Variants in DCUN1D4 observed in about 807,000 individuals in gnomAD.
The protein encoded by DCUN1D4 is DCN1-like protein 4.
In DCUN1D4, 22 loss-of-function variants were observed where a neutral mutation model predicts 47.9. The observed-to-expected ratio is 0.46, with a 90% confidence interval of 0.33 to 0.66. The LOEUF (loss-of-function observed/expected upper bound fraction) is 0.66, where lower values mean the gene tolerates loss of function less well. DCUN1D4 is among the 30% of genes least tolerant of loss of function. DCUN1D4 has a pLI of 0.02. For missense variants in DCUN1D4, 301 were observed against 340.8 expected, an observed-to-expected ratio of 0.88 and a Z score of 0.92; for synonymous variants, 121 against 112.2, an observed-to-expected ratio of 1.08 and a Z score of -0.50.
rs142096088 is a variant in DCUN1D4 at position 51,845,383 on chromosome 4, A to G, written c.25+2116A>G. The G allele has an allele frequency of 8.8e-3, 5,504 of 627,780 alleles. 35 individuals are homozygous for G. The highest frequency in any genetic ancestry group is 9.9e-3 in the Non-Finnish European group (4,963 of 503,656). The allele number at this position is 627,780 out of a possible 1,614,324, so 38.9% of individuals were successfully genotyped here. On this transcript the variant is annotated intron_variant, in intron 1 of 10. Coordinates refer to ENST00000334635, the MANE Select transcript of DCUN1D4 (RefSeq NM_001040402.3). The stretch of plus-strand genomic sequence containing the variant: ...GGAAATGTGAAGGTGAGCAAAGGTA[A>G]TATGTGACGTCTTCAATTTTCGAAG...
At chr4:51,848,056 C>A in intron 1 of DCUN1D4, 1 of 501,744 alleles carries the variant, frequency 2.0e-6, no homozygotes, top group Non-Finnish European at 3.2e-6. Flanking sequence ...TGTGCATTAT[C>A]TAGAAAAATT....
At chr4:51,884,307 C>G (rs1729128358) in intron 5 of DCUN1D4, 1 of 152,140 alleles carries the variant, frequency 6.6e-6, no homozygotes, top group South Asian at 2.1e-4. Flanking sequence ...AGAACAGCCA[C>G]CTTATACTTT....
At chr4:51,857,412 C>A (rs950724548) in intron 1 of DCUN1D4, among the ~76,000 whole-genome samples, 1 of 152,104 alleles carries the variant, frequency 6.6e-6, no homozygotes. Flanking sequence ...GCACACTTGT[C>A]CTAGAGTGAT....
chr4:51,848,872 A>G (rs1722948312), intron 1 of DCUN1D4, among the ~76,000 whole-genome samples: 1 of 152,150 alleles, frequency 6.6e-6, no homozygotes, highest in Non-Finnish European at 1.5e-5. Flanking sequence ...AAAAAACACT[A>G]GATATGAAAA....
At chr4:51,875,751 T>C (rs1727572923) in intron 4 of DCUN1D4, among the ~76,000 whole-genome samples, 1 of 152,248 alleles carries the variant, frequency 6.6e-6, no homozygotes, top group South Asian at 2.1e-4. Flanking sequence ...CTAAGCATGA[T>C]GTTTTTGAGA....
At chr4:51,885,965 A>G (rs1729419855) in intron 5 of DCUN1D4, among the ~76,000 whole-genome samples, 1 of 152,232 alleles carries the variant, frequency 6.6e-6, no homozygotes. Context: ...AGACCTTGGC[A>G]AAAAGAATTT....
intron 6 of DCUN1D4, among the ~76,000 whole-genome samples, chr4:51,888,944 T>C (rs572441734): frequency 6.6e-6 from 1 of 151,850 alleles, no homozygotes; most frequent in South Asian, 2.1e-4. Context: ...ACCCCATCTT[T>C]AATAAAATAC....
In DCUN1D4 at chr4:51,883,635, G is replaced by T. The variant is rs534607465; in HGVS notation, c.344-2933G>T. Among the ~76,000 whole-genome samples, 6 of 152,300 alleles carry T rather than the reference G, an allele frequency of 3.9e-5. No individual in the cohort carries two copies. The South Asian group carries it at 1.2e-3, about 32-fold the overall frequency. ...CGAGGAGTGTAAATATTGGAAAGGA[G>T]GAGACAGAAATGATCATTGCAGATG... On this transcript the variant is annotated intron_variant, in intron 5 of 10. Transcript: ENST00000334635.
chr4:51,903,832 G>A (rs1055759387), intron 8 of DCUN1D4, among the ~76,000 whole-genome samples: 1 of 151,760 alleles, frequency 6.6e-6, no homozygotes, highest in African/African-American at 2.4e-5. Context: ...AGTTCCATTT[G>A]GGTCTTGTTT....
At chr4:51,909,161 A>T (rs1446958513) in intron 8 of DCUN1D4, among the ~76,000 whole-genome samples, 1 of 152,120 alleles carries the variant, frequency 6.6e-6, no homozygotes, top group African/African-American at 2.4e-5. Flanking sequence ...ACCTTAGTGT[A>T]TGTCCATTGT....
chr4:51,885,138 C>G (rs552766217), intron 5 of DCUN1D4, among the ~76,000 whole-genome samples: 1 of 152,086 alleles, frequency 6.6e-6, no homozygotes, highest in South Asian at 2.1e-4. Flanking sequence ...TATTTAGGCT[C>G]TAGGGAGCCA....
chr4:51,889,228 A>G (rs941748865), intron 6 of DCUN1D4, among the ~76,000 whole-genome samples: 1 of 152,230 alleles, frequency 6.6e-6, no homozygotes, highest in Non-Finnish European at 1.5e-5. Flanking sequence ...GTGCTAAATA[A>G]ACTCTGATGT....
chr4:51,838,277 C>A (rs928245018), upstream of DCUN1D4, among the ~76,000 whole-genome samples: 1 of 152,148 alleles, frequency 6.6e-6, no homozygotes, highest in South Asian at 2.1e-4. Context: ...AATTTAGTAA[C>A]CTGGATGTAA....
At chr4:51,895,013 A>G (rs901782844) in intron 7 of DCUN1D4, among the ~76,000 whole-genome samples, 3 of 152,032 alleles carry the variant, frequency 2.0e-5, no homozygotes, top group African/African-American at 7.2e-5. Flanking sequence ...CCCATGTTGG[A>G]AGGGGCAAAC....
intron 1 of DCUN1D4, among the ~76,000 whole-genome samples, chr4:51,846,267 A>T (rs1305923615): frequency 9.9e-5 from 15 of 152,126 alleles, no homozygotes; most frequent in Non-Finnish European, 1.8e-4. Context: ...GTAGCTGTGC[A>T]TTTAAACAGA....
chr4:51,873,982 T>A (rs1727288181), intron 3 of DCUN1D4, among the ~76,000 whole-genome samples: 1 of 152,202 alleles, frequency 6.6e-6, no homozygotes, highest in Non-Finnish European at 1.5e-5. Flanking sequence ...ACAGAAAGGT[T>A]AGATGACTTA....
At position 51,915,267 on chromosome 4, in the gene DCUN1D4, A is replaced by G. The variant is rs899134635; in HGVS notation, c.*1683A>G. 6.6e-6 allele frequency: 1 copy of G among 152,592 alleles called. No individual in the cohort carries two copies. Among genetic ancestry groups the G allele is most frequent in the African/African-American group, 2.4e-5 (1 of 41,448 alleles). 9.5% of individuals were successfully genotyped at this position (152,592 alleles called of 1,614,324 possible). A position where few individuals can be genotyped will look rare whatever the true frequency, so the allele number is the denominator to read the frequency against. Reference sequence around the variant, plus strand: ...GTGTGTGTGTATACAAAATCATGATATAGTAGAATGCAACTACTTTCTTTT... The same window carrying G: ...GTGTGTGTGTATACAAAATCATGATGTAGTAGAATGCAACTACTTTCTTTT... On this transcript the variant is annotated 3_prime_UTR_variant, in exon 11 of 11. Transcript: ENST00000334635.
chr4:51,862,280 T>G (rs913862269), intron 1 of DCUN1D4, among the ~76,000 whole-genome samples: 2 of 152,266 alleles, frequency 1.3e-5, no homozygotes, highest in African/African-American at 4.8e-5. Context: ...CCAGCCCCTC[T>G]GCCCTGCAGA....
At chr4:51,882,141 A>G (rs1184894082) in intron 5 of DCUN1D4, among the ~76,000 whole-genome samples, 1 of 152,266 alleles carries the variant, frequency 6.6e-6, no homozygotes, top group East Asian at 1.9e-4. Context: ...CTTCTAAAAC[A>G]CACAGACACA....
Sources: gnomAD v4.1 joint callset for allele counts (sites outside exome capture counted in the v4.1 genomes callset) on GRCh38, gnomAD v4.1.1 for gene constraint, MANE v1.5 for transcripts, NCBI Gene and HGNC (gene_info 2026-07-23, HGNC 2026-07-21) for gene names.